The following BMPR1B variants were observed in gnomAD, a reference collection of about 807,000 sequenced individuals.
BMPR1B encodes bone morphogenetic protein receptor type 1B, also known as bone morphogenetic protein receptor type-1B.
Under a neutral mutation model 59.1 loss-of-function variants are expected in BMPR1B, and 12 were observed. The ratio of observed to expected loss-of-function variants is 0.20; its 90% confidence interval spans 0.13 to 0.33. The LOEUF (loss-of-function observed/expected upper bound fraction) is 0.33. Among genes scored for constraint, BMPR1B ranks in the 10% least tolerant of loss-of-function variants. The probability of loss-of-function intolerance (pLI) is 1.00; values close to 1 mark genes in which losing one functional copy is unlikely to be tolerated. For missense variants in BMPR1B, 550 were observed against 610.9 expected, an observed-to-expected ratio of 0.90 and a Z score of 1.05; for synonymous variants, 237 against 207.3, an observed-to-expected ratio of 1.14 and a Z score of -1.23.
intron 2 of BMPR1B, among the ~76,000 whole-genome samples, chr4:94,895,715 C>T (rs994411834): frequency 6.6e-6 from 1 of 150,600 alleles, no homozygotes; most frequent in African/African-American, 2.4e-5. Flanking sequence ...AATTATTAAA[C>T]AAAACAATTA....
intron 1 of BMPR1B, among the ~76,000 whole-genome samples, chr4:94,838,738 G>GT (rs1367530561): frequency 4.5e-5 from 6 of 133,426 alleles, no homozygotes; most frequent in Admixed American, 7.4e-5. Context: ...TTTTTGAAGG[G>GT]TTTTTTGTGT....
At chr4:95,012,766 T>C (rs1053052626) in intron 3 of BMPR1B, among the ~76,000 whole-genome samples, 7 of 152,172 alleles carry the variant, frequency 4.6e-5, no homozygotes, top group Non-Finnish European at 8.8e-5. Flanking sequence ...CTTCATTTAC[T>C]ATATCTTAAA....
At chr4:95,130,813 C>T (rs1733295114) in intron 9 of BMPR1B, among the ~76,000 whole-genome samples, 1 of 139,196 alleles carries the variant, frequency 7.2e-6, no homozygotes, top group South Asian at 2.5e-4. Flanking sequence ...TCACGGTAAT[C>T]TCTGCTTCCC....
At chr4:95,132,777 T>G (rs1426912827) in intron 10 of BMPR1B, among the ~76,000 whole-genome samples, 2 of 152,128 alleles carry the variant, frequency 1.3e-5, no homozygotes, top group Non-Finnish European at 2.9e-5. Flanking sequence ...CCCAGCAATT[T>G]GTTAATAGTC....
intron 3 of BMPR1B, among the ~76,000 whole-genome samples, chr4:95,037,876 G>A (rs13134042): frequency 0.19 from 28,172 of 152,080 alleles, 3,109 homozygotes; most frequent in East Asian, 0.43. Flanking sequence ...TTGGGGGAAC[G>A]TAAGTGGACA....
At chr4:94,857,133 G>A (rs968830005) in intron 1 of BMPR1B, among the ~76,000 whole-genome samples, 11 of 151,968 alleles carry the variant, frequency 7.2e-5, no homozygotes, top group African/African-American at 1.9e-4. Flanking sequence ...AAGTATGGAG[G>A]AGAGAGAACT....
At chr4:94,870,404 A>G (rs1726440626) in intron 1 of BMPR1B, among the ~76,000 whole-genome samples, 1 of 141,560 alleles carries the variant, frequency 7.1e-6, no homozygotes, top group Admixed American at 6.8e-5. Flanking sequence ...GAGTTTTACC[A>G]CTTGTGGTAG....
intron 3 of BMPR1B, among the ~76,000 whole-genome samples, chr4:95,042,758 C>T (rs535940557): frequency 2.0e-4 from 31 of 152,304 alleles, no homozygotes; most frequent in African/African-American, 6.3e-4. Context: ...TAACTACACT[C>T]GCCTTGCCTG....
chr4:95,071,682 G>A (rs1174656187), intron 3 of BMPR1B, among the ~76,000 whole-genome samples: 25 of 90,804 alleles, frequency 2.8e-4, no homozygotes, highest in African/African-American at 7.2e-4. Flanking sequence ...ATATATATAT[G>A]AACTCTATAT....
intron 1 of BMPR1B, among the ~76,000 whole-genome samples, chr4:94,758,505 G>A (rs1721619684): frequency 6.6e-6 from 1 of 151,996 alleles, no homozygotes; most frequent in African/African-American, 2.4e-5. Flanking sequence ...CGCGGAATCC[G>A]GGAAATGGGA....
chr4:94,872,882 T>C (rs1726558562), intron 1 of BMPR1B, among the ~76,000 whole-genome samples: 1 of 152,174 alleles, frequency 6.6e-6, no homozygotes, highest in African/African-American at 2.4e-5. Flanking sequence ...ACCTAAGAAG[T>C]TTTAGAGTGA....
At chr4:94,950,007 A>G (rs993408167) in intron 2 of BMPR1B, among the ~76,000 whole-genome samples, 1 of 152,120 alleles carries the variant, frequency 6.6e-6, no homozygotes, top group Non-Finnish European at 1.5e-5. Context: ...ATGATATCTC[A>G]TTGTGGTTTT....
At chr4:94,937,765 G>C (rs1729375092) in intron 2 of BMPR1B, among the ~76,000 whole-genome samples, 1 of 143,658 alleles carries the variant, frequency 7.0e-6, no homozygotes. Flanking sequence ...ACACACTGCA[G>C]GAGAGGGAAG....
At chr4:94,978,421 TG>T (rs1731110028) in intron 2 of BMPR1B, among the ~76,000 whole-genome samples, 1 of 152,172 alleles carries the variant, frequency 6.6e-6, no homozygotes, top group Non-Finnish European at 1.5e-5. Context: ...TCTTTATTCG[TG>T]TAGTTTCAAG....
At chr4:95,102,665 C>T (rs1262400227) in intron 3 of BMPR1B, among the ~76,000 whole-genome samples, 2 of 152,080 alleles carry the variant, frequency 1.3e-5, no homozygotes, top group Non-Finnish European at 2.9e-5. Context: ...GCAAGCGGTG[C>T]TGCACTCCCA....
At chr4:94,920,793 A>G (rs1728660589) in intron 2 of BMPR1B, among the ~76,000 whole-genome samples, 1 of 152,196 alleles carries the variant, frequency 6.6e-6, no homozygotes, top group Non-Finnish European at 1.5e-5. Context: ...ATAGCTACAT[A>G]ATTAATTTGA....
At chr4:94,804,609 T>TTG (rs397994580) in intron 1 of BMPR1B, among the ~76,000 whole-genome samples, 1 of 150,408 alleles carries the variant, frequency 6.6e-6, no homozygotes, top group Non-Finnish European at 1.5e-5. Context: ...TTTTTTTTTT[T>TTG]GCCAAGGACC....
At chr4:94,824,523 G>C (rs1412318941) in intron 1 of BMPR1B, among the ~76,000 whole-genome samples, 2 of 152,058 alleles carry the variant, frequency 1.3e-5, no homozygotes, top group Non-Finnish European at 2.9e-5. Context: ...TATTTGAACT[G>C]ATCTGTTTTT....
chr4:94,845,563 C>G (rs1007880907), intron 1 of BMPR1B, among the ~76,000 whole-genome samples: 1 of 152,062 alleles, frequency 6.6e-6, no homozygotes, highest in African/African-American at 2.4e-5. Flanking sequence ...AGGATGGTCT[C>G]GATCTCCTGA....
Sources: gnomAD v4.1 joint callset for allele counts (sites outside exome capture counted in the v4.1 genomes callset) on GRCh38, gnomAD v4.1.1 for gene constraint, MANE v1.5 for transcripts, NCBI Gene and HGNC (gene_info 2026-07-23, HGNC 2026-07-21) for gene names.